Variants in RHOQ observed in about 807,000 individuals in gnomAD.
RHOQ encodes ras homolog family member Q.
In RHOQ, 7 loss-of-function variants were observed where a neutral mutation model predicts 25.8. The ratio of observed to expected loss-of-function variants is 0.27; its 90% CI spans 0.15 to 0.51. RHOQ has a LOEUF of 0.51. Ranked by LOEUF, RHOQ falls within the 20% of genes least tolerant of loss-of-function variation. The pLI is 0.97. For synonymous variants in RHOQ, 97 were observed against 98.6 expected (o/e 0.98, Z 0.10); for missense variants, 165 against 260.6 (o/e 0.63, Z 2.53).
rs542344556 is a variant in RHOQ at position 46,570,716 on chromosome 2, A to G, written c.202-5371A>G. Among the ~76,000 whole-genome samples, 48 of 152,310 alleles carry G rather than the reference A, an allele frequency of 3.2e-4. 1 individual carries two copies. Among genetic ancestry groups the G allele is most frequent in the Admixed American group, 7.8e-4 (12 of 15,298 alleles). The stretch of plus-strand genomic sequence containing the variant: ...CTTGGAAGTGACACAGAGAATTGCT[A>G]CTGCACAGACCACAAAGCCACCACT... On this transcript the variant is annotated intron_variant, in intron 2 of 4. Coordinates refer to ENST00000238738, the MANE Select transcript of RHOQ (RefSeq NM_012249.4).
chr2:46,572,815 CTTT>C (rs1391789374), intron 2 of RHOQ: 6 of 434,218 alleles, frequency 1.4e-5, no homozygotes, highest in South Asian at 9.8e-5. Flanking sequence ...CATTTGACTT[CTTT>C]GTGTTCTCAA....
At chr2:46,549,840 G>C (rs941303601) in intron 2 of RHOQ, among the ~76,000 whole-genome samples, 5 of 152,082 alleles carry the variant, frequency 3.3e-5, no homozygotes, top group Non-Finnish European at 5.9e-5. Flanking sequence ...ATGCGTTCTT[G>C]CTCTCTTCAA....
Position 46,552,974 on chromosome 2 carries a change from A to G in RHOQ, c.201+9162A>G, listed in dbSNP as rs1443365091. 6.6e-6 allele frequency among the ~76,000 whole-genome samples: 1 copy of G among 152,232 alleles called. No homozygotes were observed. The highest frequency in any genetic ancestry group is 1.5e-5 in the Non-Finnish European group (1 of 68,036). ...GAGAAAGTGATCAGTTTGGATTCTT[A>G]CACGTACTAGATGCTCAGCGAGGCC... On this transcript the variant is annotated intron_variant, in intron 2 of 4. Coordinates refer to ENST00000238738, the MANE Select transcript of RHOQ (RefSeq NM_012249.4). This position sits in a 1 kb window ranked among gnomAD's most constrained non-coding sequence, Gnocchi z 5.0.
intron 2 of RHOQ, among the ~76,000 whole-genome samples, chr2:46,557,631 A>G (rs185944036): frequency 2.0e-5 from 3 of 152,110 alleles, no homozygotes; most frequent in Admixed American, 1.3e-4. Context: ...TAATTTTTTT[A>G]AAAAAACTCA....
intron 2 of RHOQ, among the ~76,000 whole-genome samples, chr2:46,554,508 C>G (rs935200673): frequency 2.6e-5 from 4 of 152,278 alleles, no homozygotes; most frequent in East Asian, 1.9e-4. Flanking sequence ...CTGAGGTTAG[C>G]ACTCCTCTGG....
intron 2 of RHOQ, among the ~76,000 whole-genome samples, chr2:46,559,658 T>C (rs1158459989): frequency 6.6e-6 from 1 of 152,168 alleles, no homozygotes; most frequent in Non-Finnish European, 1.5e-5. Context: ...AACAGAAATG[T>C]CTCCAGATAT....
chr2:46,543,838 G>GC, intron 2 of RHOQ, 26 bp downstream of exon 2: 1 of 1,603,252 alleles, frequency 6.2e-7, no homozygotes, highest in Non-Finnish European at 8.5e-7. Flanking sequence ...TCTGGCCGAC[G>GC]CCCCCCTCCT....
chr2:46,574,665 T>G (rs1669048422), intron 2 of RHOQ, among the ~76,000 whole-genome samples: 1 of 152,216 alleles, frequency 6.6e-6, no homozygotes, highest in African/African-American at 2.4e-5. Context: ...AGAAATCTTT[T>G]AATGCCCACA....
In RHOQ at chr2:46,556,431, G is replaced by A. The variant is rs1417409877; in HGVS notation, c.201+12619G>A. ...CTTCGCCCCTGGCTCAGGTAGAGGC[G>A]AGGGCTGATCTCTTCTCTACCCTTC... On this transcript the variant is annotated intron_variant, in intron 2 of 4. Transcript: ENST00000238738. The surrounding 1 kb of genome is among the most constrained non-coding windows in gnomAD (Gnocchi z 4.9). Among the ~76,000 whole-genome samples the A allele has an allele frequency of 6.6e-6, 1 of 151,984 alleles. No individual in the cohort carries two copies. Among genetic ancestry groups the A allele is most frequent in the African/African-American group, 2.4e-5 (1 of 41,380 alleles).
intron 2 of RHOQ, among the ~76,000 whole-genome samples, chr2:46,572,060 T>C (rs1388527075): frequency 6.6e-6 from 1 of 151,794 alleles, no homozygotes; most frequent in African/African-American, 2.4e-5. Flanking sequence ...TCAGAGCGCA[T>C]TTCTTTAGTT....
chr2:46,546,030 T>C (rs1668033745), intron 2 of RHOQ, among the ~76,000 whole-genome samples: 1 of 152,110 alleles, frequency 6.6e-6, no homozygotes, highest in Non-Finnish European at 1.5e-5. Context: ...CCATTGGTGT[T>C]TTTCCCAGTG....
In RHOQ at chr2:46,543,767, G is replaced by T. The variant is rs756672272; in HGVS notation, c.156G>T (p.Val52=). The part of the protein sequence containing the change: ...VFDHYAVSVT[V]GGKQYLLGLY... ...CTGTCCTTGCAGTCAGCGTCACCGT[G>T]GGGGGCAAGCAGTACCTCCTAGGAC... The change falls in exon 2 of 5, where the codon GTG becomes GTT. Residue 52 remains valine, a synonymous_variant. Transcript: ENST00000238738. The T allele has an allele frequency of 1.1e-5, 17 of 1,613,522 alleles. No homozygotes were observed. Among genetic ancestry groups the T allele is most frequent in the African/African-American group, 2.7e-5 (2 of 74,916 alleles).
rs1434318590 is a variant in RHOQ at position 46,543,364 on chromosome 2, C to T, written c.142+176C>T. 1.0e-4 allele frequency: 67 copies of T among 657,636 alleles called. 1 individual carries two copies. The South Asian group carries it at 1.0e-3, about 10-fold the overall frequency. 40.7% of individuals were successfully genotyped at this position (657,636 alleles called of 1,614,324 possible). ...GCTTCGCTCCTGGCAACCCCTCGCC[C>T]GCTGATCCACCCCCTCTCCCACCCG... is the stretch of plus-strand genomic sequence containing the variant. On this transcript the variant is annotated intron_variant, in intron 1 of 4. Coordinates refer to ENST00000238738, the MANE Select transcript of RHOQ (RefSeq NM_012249.4).
intron 2 of RHOQ, among the ~76,000 whole-genome samples, chr2:46,564,185 G>T (rs1668659136): frequency 6.6e-6 from 1 of 151,996 alleles, no homozygotes; most frequent in Non-Finnish European, 1.5e-5. Flanking sequence ...CGTACCTGTA[G>T]TCCCAGCTAC....
At chr2:46,553,584 C>CTT (rs895092851) in intron 2 of RHOQ, among the ~76,000 whole-genome samples, 3 of 145,374 alleles carry the variant, frequency 2.1e-5, no homozygotes, top group Non-Finnish European at 3.0e-5. Flanking sequence ...CTTTTTCGAA[C>CTT]TTTTTTTTTT....
chr2:46,574,345 T>G (rs921290203), intron 2 of RHOQ, among the ~76,000 whole-genome samples: 12 of 152,030 alleles, frequency 7.9e-5, no homozygotes, highest in Admixed American at 3.3e-4. Context: ...TCTTTTTTTT[T>G]TTTTTCTTTT....
intron 2 of RHOQ, among the ~76,000 whole-genome samples, chr2:46,554,915 C>T (rs1668365361): frequency 6.6e-6 from 1 of 151,844 alleles, no homozygotes; most frequent in Non-Finnish European, 1.5e-5. Context: ...ACTGAGAGAG[C>T]ATTTAATTTT....
chr2:46,549,458 C>T lies in RHOQ; in HGVS notation c.201+5646C>T, dbSNP rs538674689. ...CAAAGTAGCTCTCCACGGGGGTGTC[C>T]GTTTCCAGAAAGAGCACATGTGTTG... On this transcript the variant is annotated intron_variant, in intron 2 of 4. Transcript: ENST00000238738. 1.1e-4 allele frequency among the ~76,000 whole-genome samples: 17 copies of T among 152,214 alleles called. No individual in the cohort carries two copies. In the East Asian group the frequency reaches 1.7e-3, roughly 16 times the overall value.
At position 46,569,732 on chromosome 2, in the gene RHOQ, G is replaced by T. The variant is rs1452106731; in HGVS notation, c.202-6355G>T. Among the ~76,000 whole-genome samples the T allele has an allele frequency of 6.6e-6, 1 of 152,140 alleles. No individual in the cohort carries two copies. Among genetic ancestry groups the T allele is most frequent in the Admixed American group, 6.5e-5 (1 of 15,278 alleles). On this transcript the variant is annotated intron_variant, in intron 2 of 4. Coordinates refer to ENST00000238738, the MANE Select transcript of RHOQ (RefSeq NM_012249.4). The surrounding 1 kb of genome is among the most constrained non-coding windows in gnomAD (Gnocchi z 4.1). ...AGATGACAGTAGCTAAAAGTAAGAA[G>T]CTAAACCTTTAATTTCAAGAATTCT...
Sources: gnomAD v4.1 joint callset for allele counts (sites outside exome capture counted in the v4.1 genomes callset) on GRCh38, gnomAD v4.1.1 for gene constraint, Gnocchi (gnomAD v3.1) non-coding constraint, MANE v1.5 for transcripts, NCBI Gene and HGNC (gene_info 2026-07-23, HGNC 2026-07-21) for gene names.